CHODL: variants seen among roughly 807,000 people sequenced by gnomAD.
The protein encoded by CHODL is transmembrane protein MT75.
CHODL carries 29 observed loss-of-function variants against 34.5 expected under a neutral mutation model. The observed-to-expected ratio is 0.84, with a 90% CI of 0.63 to 1.15. The LOEUF (loss-of-function observed/expected upper bound fraction) is 1.15, where lower values mean the gene tolerates loss of function less well. Ranked by LOEUF, CHODL falls within the 50% of genes most tolerant of loss-of-function variation. The pLI is 0.00. For synonymous variants in CHODL, 125 were observed against 116.1 expected, an observed-to-expected ratio of 1.08 and a Z score of -0.49; for missense variants, 332 against 332.5, an observed-to-expected ratio of 1.00 and a Z score of 0.01.
At chr21:17,962,528 G>A (rs2063539334) in intron 1 of CHODL, among the ~76,000 whole-genome samples, 1 of 152,222 alleles carries the variant, frequency 6.6e-6, no homozygotes, top group East Asian at 1.9e-4. Context: ...TGTGCTGTCT[G>A]GGGTAGGGTG....
chr21:18,180,597 T>C (rs2073370528), intron 2 of CHODL, among the ~76,000 whole-genome samples: 1 of 152,224 alleles, frequency 6.6e-6, no homozygotes, highest in Non-Finnish European at 1.5e-5. Context: ...CTACACAATA[T>C]TATCTCAGAA....
Position 18,091,727 on chromosome 21 carries a change from T to C in CHODL, c.-45+63756T>C, listed in dbSNP as rs183710558. ...TGGGCAAGAAAGGAGCCCACTGCCC[T>C]GAAGAGTGAGTCCCAGGCAGCATTC... is the stretch of plus-strand genomic sequence containing the variant. On this transcript the variant is annotated intron_variant, in intron 2 of 6. Transcript: ENST00000400127. Among the ~76,000 whole-genome samples, 772 of 152,252 alleles carry C rather than the reference T, an allele frequency of 5.1e-3. 2 individuals carry two copies. Among genetic ancestry groups the C allele is most frequent in the African/African-American group, 0.017 (700 of 41,556 alleles).
chr21:18,026,050 G>A (rs949632708), intron 1 of CHODL, among the ~76,000 whole-genome samples: 2 of 152,170 alleles, frequency 1.3e-5, no homozygotes, highest in African/African-American at 4.8e-5. Context: ...TCCAGCCACT[G>A]TAATATAGGT....
intron 2 of CHODL, among the ~76,000 whole-genome samples, chr21:18,030,289 A>G (rs2064232360): frequency 6.6e-6 from 1 of 152,304 alleles, no homozygotes; most frequent in Admixed American, 6.5e-5. Context: ...ATGGCAAGGA[A>G]CTACCTGGTT....
chr21:18,082,166 T>C (rs1003836307), intron 2 of CHODL, among the ~76,000 whole-genome samples: 4 of 152,166 alleles, frequency 2.6e-5, no homozygotes, highest in Admixed American at 2.6e-4. Context: ...TCACAAGATC[T>C]GGTTGTTTCA....
intron 1 of CHODL, among the ~76,000 whole-genome samples, chr21:17,961,749 T>C (rs986861786): frequency 6.6e-6 from 1 of 152,206 alleles, no homozygotes; most frequent in Non-Finnish European, 1.5e-5. Context: ...ATTGCTAATA[T>C]GATTTTTGTT....
At chr21:18,121,545 C>T (rs927606685) in intron 2 of CHODL, among the ~76,000 whole-genome samples, 1 of 152,098 alleles carries the variant, frequency 6.6e-6, no homozygotes, top group African/African-American at 2.4e-5. Context: ...TCTCCTCACT[C>T]ATCTTCATTT....
At position 18,196,904 on chromosome 21, in the gene CHODL, A is replaced by G. The variant is rs11700439; in HGVS notation, c.-44-59605A>G. On this transcript the variant is annotated intron_variant, in intron 2 of 6. Coordinates refer to the CHODL transcript ENST00000400127. The stretch of plus-strand genomic sequence containing the variant: ...TTGTTCTGGAGACCTAATGTACAGC[A>G]TAGTGATTGCAGTTAATAATAATGT... Among the ~76,000 whole-genome samples the G allele has an allele frequency of 5.2e-3, 798 of 152,294 alleles. 4 individuals are homozygous for G. Among genetic ancestry groups the G allele is most frequent in the Non-Finnish European group, 7.6e-3 (518 of 68,018 alleles).
intron 5 of CHODL, among the ~76,000 whole-genome samples, chr21:18,264,601 C>CAAAAAAA (rs564344974): frequency 1.5e-5 from 1 of 68,838 alleles, no homozygotes; most frequent in Non-Finnish European, 3.0e-5. Flanking sequence ...GGGTCTGTCT[C>CAAAAAAA]AAAAAAAAAA....
At chr21:18,038,100 G>C (rs2064332063) in intron 2 of CHODL, among the ~76,000 whole-genome samples, 1 of 151,506 alleles carries the variant, frequency 6.6e-6, no homozygotes. Flanking sequence ...AGTTTACTAA[G>C]TTGCTTCCAA....
intron 2 of CHODL, among the ~76,000 whole-genome samples, chr21:18,183,446 A>G (rs906233709): frequency 6.6e-6 from 1 of 152,248 alleles, no homozygotes; most frequent in African/African-American, 2.4e-5. Flanking sequence ...TGTACAAAGT[A>G]GAGGATTTGA....
In CHODL at chr21:18,088,045, T is replaced by C. The variant is rs537713645; in HGVS notation, c.-45+60074T>C. Among the ~76,000 whole-genome samples, 3 of 152,214 alleles carry C rather than the reference T, an allele frequency of 2.0e-5. No individual in the cohort carries two copies. In the East Asian group the frequency reaches 5.8e-4, roughly 29 times the overall value. On this transcript the variant is annotated intron_variant, in intron 2 of 6. Coordinates refer to the CHODL transcript ENST00000400127. ...TAAACCAGATCTTATGAGAACTCAC[T>C]CACTATCATGAGAACAGTAAGGGGT...
chr21:17,992,718 G>GTT (rs869044440), intron 1 of CHODL, among the ~76,000 whole-genome samples: 15,847 of 53,590 alleles, frequency 0.3, 1,948 homozygotes, highest in East Asian at 0.47. Context: ...TGGTGGAGTT[G>GTT]TTTTTTTTTT....
At chr21:18,037,623 A>G (rs139633181) in intron 2 of CHODL, among the ~76,000 whole-genome samples, 54 of 151,890 alleles carry the variant, frequency 3.6e-4, no homozygotes, top group Non-Finnish European at 5.2e-4. Context: ...GATACCATCA[A>G]AGAATTAAAT....
chr21:18,075,770 C>T (rs1448357160), intron 2 of CHODL, among the ~76,000 whole-genome samples: 1 of 152,028 alleles, frequency 6.6e-6, no homozygotes, highest in Non-Finnish European at 1.5e-5. Flanking sequence ...TATTGTACCC[C>T]CAAAATGCAT....
chr21:17,972,043 T>C (rs149341), intron 1 of CHODL, among the ~76,000 whole-genome samples: 133,602 of 152,190 alleles, frequency 0.88, 58,832 homozygotes, highest in African/African-American at 0.93. Flanking sequence ...TCACATAAAC[T>C]GAACCAGTGA....
intron 3 of CHODL, 35 bp downstream of exon 3, chr21:18,257,162 G>A: frequency 6.4e-7 from 1 of 1,559,102 alleles, no homozygotes; most frequent in South Asian, 1.2e-5. Flanking sequence ...AGAAGATTTT[G>A]TGCATGTTTA....
At chr21:18,168,963 CTTCT>C (rs1398515169) in intron 2 of CHODL, among the ~76,000 whole-genome samples, 1 of 151,826 alleles carries the variant, frequency 6.6e-6, no homozygotes, top group African/African-American at 2.4e-5. Context: ...TGGGGTTCAA[CTTCT>C]TTCTTTTACT....
chr21:18,189,629 ATTTT>A (rs35604998), intron 2 of CHODL, among the ~76,000 whole-genome samples: 58 of 94,602 alleles, frequency 6.1e-4, no homozygotes, highest in African/African-American at 2.1e-3. Context: ...GAAGTGGGCA[ATTTT>A]TTTTTTTTTT....
Sources: allele counts gnomAD v4.1 joint callset (sites outside exome capture counted in the v4.1 genomes callset), GRCh38; gene constraint gnomAD v4.1.1; transcripts MANE v1.5; gene names NCBI Gene and HGNC (gene_info 2026-07-23, HGNC 2026-07-21).